The following NRXN3 variants were observed in gnomAD, a reference collection of about 807,000 sequenced individuals.
NRXN3 encodes the protein neurexin III.
NRXN3 carries 32 observed loss-of-function variants against 137.6 expected under a neutral mutation model. That is an observed-to-expected ratio of 0.23 (90% CI 0.18 to 0.31). The LOEUF is 0.31. Among genes scored for constraint, NRXN3 ranks in the 10% least tolerant of loss-of-function variants. NRXN3 has a pLI of 1.00. For missense variants in NRXN3, 1,574 were observed against 2,062.5 expected, an observed-to-expected ratio of 0.76 and a Z score of 4.59; for synonymous variants, 798 against 784.5, an observed-to-expected ratio of 1.02 and a Z score of -0.29.
chr14:79,565,304 CAT>C (rs1790811652), intron 16 of NRXN3, among the ~76,000 whole-genome samples: 1 of 119,654 alleles, frequency 8.4e-6, no homozygotes, highest in African/African-American at 3.7e-5. Context: ...TGTGTATATA[CAT>C]ATACACACAC....
chr14:78,344,518 C>G (rs1424813091), intron 4 of NRXN3, among the ~76,000 whole-genome samples: 4 of 152,214 alleles, frequency 2.6e-5, no homozygotes, highest in Non-Finnish European at 5.9e-5. Flanking sequence ...CAGGCATCCT[C>G]CCTTCCTCCT....
chr14:79,556,998 A>G (rs1480736323), intron 16 of NRXN3, among the ~76,000 whole-genome samples: 1 of 151,388 alleles, frequency 6.6e-6, no homozygotes, highest in Non-Finnish European at 1.5e-5. Context: ...ATATATGAAA[A>G]CCCATCAACA....
intron 16 of NRXN3, among the ~76,000 whole-genome samples, chr14:79,605,851 C>A (rs1003745439): frequency 6.6e-6 from 1 of 152,100 alleles, no homozygotes; most frequent in Non-Finnish European, 1.5e-5. Flanking sequence ...GACTGTCATG[C>A]CTTGTCAGCT....
At chr14:78,451,889 A>AT (rs1224007748) in intron 4 of NRXN3, among the ~76,000 whole-genome samples, 2 of 152,174 alleles carry the variant, frequency 1.3e-5, no homozygotes, top group African/African-American at 4.8e-5. Flanking sequence ...TCAAGTGGAC[A>AT]TTTTTCTCAA....
At chr14:79,124,912 A>C (rs760033949) in intron 15 of NRXN3, among the ~76,000 whole-genome samples, 11 of 152,186 alleles carry the variant, frequency 7.2e-5, no homozygotes, top group Non-Finnish European at 1.6e-4. Context: ...ACATTCTCAT[A>C]GGAATATCTG....
chr14:78,523,807 ACT>A (rs1455922986), intron 4 of NRXN3, among the ~76,000 whole-genome samples: 15 of 117,694 alleles, frequency 1.3e-4, no homozygotes, highest in South Asian at 3.0e-4. Flanking sequence ...ACAGAGCAAG[ACT>A]CTGTCTCAAA....
intron 15 of NRXN3, among the ~76,000 whole-genome samples, chr14:79,362,972 G>A (rs1053864223): frequency 7.3e-5 from 11 of 151,710 alleles, no homozygotes; most frequent in Non-Finnish European, 1.3e-4. Flanking sequence ...AGATAGAAAT[G>A]GTGAGTGACC....
At chr14:78,941,096 T>A (rs986842854) in intron 10 of NRXN3, among the ~76,000 whole-genome samples, 1 of 152,200 alleles carries the variant, frequency 6.6e-6, no homozygotes, top group South Asian at 2.1e-4. Flanking sequence ...TATAAATGCA[T>A]GTCAAGTAAC....
intron 8 of NRXN3, among the ~76,000 whole-genome samples, chr14:78,739,814 A>G (rs1357681567): frequency 6.6e-6 from 1 of 152,130 alleles, no homozygotes; most frequent in Admixed American, 6.5e-5. Flanking sequence ...GGATACAATT[A>G]CCAGGCCTGG....
intron 15 of NRXN3, among the ~76,000 whole-genome samples, chr14:79,343,563 C>A (rs1176110770): frequency 6.6e-6 from 1 of 152,076 alleles, no homozygotes; most frequent in Non-Finnish European, 1.5e-5. Flanking sequence ...ATTTCCTGTG[C>A]CTTTCCTGCA....
At chr14:79,513,603 G>A (rs1458716372) in intron 16 of NRXN3, among the ~76,000 whole-genome samples, 1 of 152,224 alleles carries the variant, frequency 6.6e-6, no homozygotes, top group African/African-American at 2.4e-5. Context: ...TTCACATTCT[G>A]TAGCTATATG....
intron 15 of NRXN3, among the ~76,000 whole-genome samples, chr14:79,068,484 TTA>T (rs2099683509): frequency 6.6e-6 from 1 of 152,094 alleles, no homozygotes; most frequent in Admixed American, 6.6e-5. Flanking sequence ...TATCTTATAT[TTA>T]TATCTTAATA....
At chr14:79,244,112 C>T (rs907443289) in intron 15 of NRXN3, among the ~76,000 whole-genome samples, 1 of 152,072 alleles carries the variant, frequency 6.6e-6, no homozygotes, top group African/African-American at 2.4e-5. Context: ...GAAAGAAAAC[C>T]TGCCGATAGT....
At chr14:78,868,980 C>T (rs2099094672) in intron 10 of NRXN3, among the ~76,000 whole-genome samples, 1 of 152,096 alleles carries the variant, frequency 6.6e-6, no homozygotes, top group African/African-American at 2.4e-5. Context: ...GTAGGTCCCG[C>T]TTGGCATGTG....
At chr14:78,759,542 G>A (rs1244924214) in intron 8 of NRXN3, among the ~76,000 whole-genome samples, 4 of 152,100 alleles carry the variant, frequency 2.6e-5, no homozygotes, top group Admixed American at 2.6e-4. Context: ...TTCCTCATTT[G>A]TGTCACACAT....
At chr14:78,296,577 T>C (rs1045778826) in intron 3 of NRXN3, among the ~76,000 whole-genome samples, 1 of 152,210 alleles carries the variant, frequency 6.6e-6, no homozygotes, top group Non-Finnish European at 1.5e-5. Context: ...TTTATCTTGA[T>C]TTCATTCTTC....
intron 15 of NRXN3, among the ~76,000 whole-genome samples, chr14:79,343,874 A>G (rs2092735539): frequency 6.6e-6 from 1 of 152,180 alleles, no homozygotes; most frequent in Admixed American, 6.5e-5. Context: ...CCTAGGCTCA[A>G]GCAATCCTCC....
At chr14:78,258,987 C>G (rs1386938472) in intron 2 of NRXN3, among the ~76,000 whole-genome samples, 1 of 152,036 alleles carries the variant, frequency 6.6e-6, no homozygotes, top group Non-Finnish European at 1.5e-5. Context: ...AAAAAATTAG[C>G]TGGGCGTGGT....
At chr14:79,107,351 T>G (rs1340964844) in intron 15 of NRXN3, among the ~76,000 whole-genome samples, 1 of 152,044 alleles carries the variant, frequency 6.6e-6, no homozygotes, top group South Asian at 2.1e-4. Flanking sequence ...ATGTGAACTT[T>G]GAGGGGGATT....
Sources: allele counts gnomAD v4.1 joint callset (sites outside exome capture counted in the v4.1 genomes callset), GRCh38; gene constraint gnomAD v4.1.1; transcripts MANE v1.5; gene names NCBI Gene and HGNC (gene_info 2026-07-23, HGNC 2026-07-21).